The following VIL1 variants were observed in gnomAD, a reference collection of about 807,000 sequenced individuals.
VIL1 encodes the protein villin 1, also known as villin-1.
A neutral mutation model predicts 104.0 loss-of-function variants in VIL1; 86 were observed. That is an observed-to-expected ratio of 0.83 (90% confidence interval 0.69 to 0.99). VIL1 has a LOEUF of 0.99. VIL1 is among the 50% of genes least tolerant of loss of function. The pLI, the probability that VIL1 is intolerant of heterozygous loss-of-function variation, is 0.00. For synonymous variants in VIL1, 394 were observed against 412.6 expected (o/e 0.95, Z 0.55); for missense variants, 944 against 1,054.1 (o/e 0.90, Z 1.45).
chr2:218,437,157 G>C lies in VIL1; in HGVS notation c.2005G>C (p.Glu669Gln), dbSNP rs775256924. Residue 669 changes from glutamate to glutamine, a missense_variant, in exon 17 of 20, where the codon GAG (glutamate) becomes CAG (glutamine). Coordinates refer to ENST00000248444, the MANE Select transcript of VIL1 (RefSeq NM_007127.3). ...FFWIGKHANE[E>Q]EKKAAATTAQ... ...CTGGATTGGGAAACATGCCAACGAG[G>C]AGGAGAAGAAGGCCGCAGCAACCAC... The C allele has an allele frequency of 6.2e-7, 1 of 1,614,160 alleles. No homozygotes were observed. The highest frequency in any genetic ancestry group is 2.2e-5 in the East Asian group (1 of 44,882).
rs200481180 is a variant in VIL1 at position 218,429,563 on chromosome 2, C to A, written c.771-34C>A. The A allele has an allele frequency of 3.1e-6, 5 of 1,614,032 alleles. No homozygotes were observed. In the East Asian group the frequency reaches 1.1e-4, roughly 36 times the overall value. Reference sequence around the variant, plus strand: ...GTGCCCTGGCTGAGGGACTTGGGCCCCCTCCCCATCTATGCCTTGCTTCTG... The same window carrying A: ...GTGCCCTGGCTGAGGGACTTGGGCCACCTCCCCATCTATGCCTTGCTTCTG... On this transcript the variant is annotated intron_variant, in intron 7 of 19. Transcript: ENST00000248444.
rs757131429 is a variant in VIL1, at chr2:218,431,877, T to G, written c.1123T>G (p.Phe375Val). 26 of 1,613,766 alleles carry G rather than the reference T, an allele frequency of 1.6e-5. No homozygotes were observed. The highest frequency in any genetic ancestry group is 1.8e-5 in the Non-Finnish European group (21 of 1,179,922). Residue 375 changes from phenylalanine to valine, a missense_variant, in exon 11 of 20, where the codon TTC (phenylalanine) becomes GTC (valine). Physicochemically the swap from Phe to Val is conservative, Grantham distance 50. Transcript: ENST00000248444. ...GSVAKVEQVKFDATSMHVKPQ... is the reference protein window; with the variant it reads ...GSVAKVEQVKVDATSMHVKPQ... ...TCTAGCCAAAGTGGAACAGGTGAAG[T>G]TCGATGCCACATCCATGCATGTCAA... is the stretch of plus-strand genomic sequence containing the variant.
chr2:218,432,647 G>C, intron 12 of VIL1, 146 bp from the exon 13 acceptor site: 1 of 1,089,346 alleles, frequency 9.2e-7, no homozygotes. Context: ...TTGGGGTTTT[G>C]GCTGTTTCAC....
Position 218,424,239 on chromosome 2 carries a change from G to C in VIL1, c.76-38G>C, listed in dbSNP as rs753946866. On this transcript the variant is annotated intron_variant, in intron 2 of 19. Transcript: ENST00000248444. ...CCTCCCAGGCCTAGGGGTCCTGGTGGTCCAGGGCAGCCCCTCTGACCCTCT... is the reference window on the plus strand; with the variant it reads ...CCTCCCAGGCCTAGGGGTCCTGGTGCTCCAGGGCAGCCCCTCTGACCCTCT... 3 of 1,596,238 alleles carry C rather than the reference G, an allele frequency of 1.9e-6. No individual in the cohort carries two copies. The South Asian group carries it at 3.3e-5, about 18-fold the overall frequency.
chr2:218,427,671 C>T (rs1407252231), intron 4 of VIL1, among the ~76,000 whole-genome samples: 1 of 152,124 alleles, frequency 6.6e-6, no homozygotes, highest in Non-Finnish European at 1.5e-5. Context: ...CCTATCTTTG[C>T]AGGCCTCTCC....
At chr2:218,425,059 A>G (rs1374327996) in intron 3 of VIL1, among the ~76,000 whole-genome samples, 2 of 151,582 alleles carry the variant, frequency 1.3e-5, no homozygotes, top group African/African-American at 4.8e-5. Flanking sequence ...CTCATTTTAA[A>G]TTTTTATTTT....
rs149520300 is a variant in VIL1, at chr2:218,449,916, C to T, written c.*580C>T. On this transcript the variant is annotated 3_prime_UTR_variant, in exon 20 of 20. Transcript: ENST00000248444. ...ACTTCCACTGGGGCTAGGCTTGAGA[C>T]CTAAAGGCAAGTATGAAATGCATAT... is the stretch of plus-strand genomic sequence containing the variant. 6.5e-6 allele frequency: 1 copy of T among 153,056 alleles called. No homozygotes were observed. The highest frequency in any genetic ancestry group is 1.5e-5 in the Non-Finnish European group (1 of 68,610). 9.5% of individuals were successfully genotyped at this position (153,056 alleles called of 1,614,324 possible). A position where few individuals can be genotyped will look rare whatever the true frequency, so the allele number is the denominator to read the frequency against.
intron 2 of VIL1, 46 bp downstream of exon 2, chr2:218,423,899 G>A (rs1276086552): frequency 3.1e-6 from 5 of 1,606,802 alleles, no homozygotes; most frequent in Non-Finnish European, 4.3e-6. Flanking sequence ...CTGGGGTGGA[G>A]GGAGGCAAGG....
At chr2:218,436,132 A>C (rs6726798) in intron 15 of VIL1, among the ~76,000 whole-genome samples, 142,810 of 152,178 alleles carry the variant, frequency 0.94, 67,653 homozygotes, top group East Asian at 1. Flanking sequence ...GGCCACGGTG[A>C]CTGGCTCAAA....
At chr2:218,426,406 C>A (rs1390623741) in intron 4 of VIL1, among the ~76,000 whole-genome samples, 1 of 152,044 alleles carries the variant, frequency 6.6e-6, no homozygotes, top group Non-Finnish European at 1.5e-5. Flanking sequence ...AGGCACACAC[C>A]ACCAGGCCTG....
chr2:218,433,018 G>GA (rs1436017400), intron 13 of VIL1, 67 bp downstream of exon 13: 3 of 1,592,560 alleles, frequency 1.9e-6, no homozygotes, highest in Non-Finnish European at 2.6e-6. Flanking sequence ...GGGAGATGGA[G>GA]AAGGGGATGG....
In VIL1 at chr2:218,427,974, A is replaced by AG; in HGVS notation, c.362dup (p.Val122ArgfsTer14). On this transcript the variant is annotated frameshift_variant, in exon 5 of 20. Coordinates refer to ENST00000248444, the MANE Select transcript of VIL1 (RefSeq NM_007127.3). LOFTEE classifies it high-confidence loss of function. ...TCACCTCTCTTCTCAGGATCCGGAAAGGGGGCGTGGCTTCTGGCATGAAGC... is the reference window on the plus strand; with the variant it reads ...TCACCTCTCTTCTCAGGATCCGGAAAGGGGGGCGTGGCTTCTGGCATGAAGC... 1.2e-6 allele frequency: 2 copies of AG among 1,614,014 alleles called. No homozygotes were observed. Among genetic ancestry groups the AG allele is most frequent in the Non-Finnish European group, 1.7e-6 (2 of 1,179,984 alleles).
At position 218,432,929 on chromosome 2, in the gene VIL1, A is replaced by G; in HGVS notation, c.1478A>G (p.Lys493Arg). The G allele has an allele frequency of 6.2e-7, 1 of 1,614,224 alleles. No individual in the cohort carries two copies. The highest frequency in any genetic ancestry group is 8.5e-7 in the Non-Finnish European group (1 of 1,180,042). The change falls in exon 13 of 20, where the codon AAG (lysine) becomes AGG (arginine). Residue 493 changes from lysine to arginine, a missense_variant. Transcript: ENST00000248444. ...KEPPHLMSIF[K>R]GRMVVYQGGT... Reference sequence around the variant, plus strand: ...CCACCTCATCTTATGTCCATCTTCAAGGGACGCATGGTGGTCTACCAGGTG... The same window carrying G: ...CCACCTCATCTTATGTCCATCTTCAGGGGACGCATGGTGGTCTACCAGGTG...
At chr2:218,446,135 T>C (rs976680970) in intron 19 of VIL1, among the ~76,000 whole-genome samples, 6 of 152,338 alleles carry the variant, frequency 3.9e-5, no homozygotes, top group Non-Finnish European at 5.9e-5. Flanking sequence ...AGTTGTACCT[T>C]CTGCCGCTAC....
intron 19 of VIL1, among the ~76,000 whole-genome samples, chr2:218,444,310 T>C (rs1336462462): frequency 6.6e-6 from 1 of 151,686 alleles, no homozygotes; most frequent in Non-Finnish European, 1.5e-5. Context: ...GATGGAGTCT[T>C]GCTCTGTCGC....
At chr2:218,421,817 T>C (rs1200317100) in intron 1 of VIL1, among the ~76,000 whole-genome samples, 1 of 152,174 alleles carries the variant, frequency 6.6e-6, no homozygotes. Context: ...CTATTCCTCT[T>C]GCTGCCAGTT....
chr2:218,440,617 G>A lies in VIL1; in HGVS notation c.2230-105G>A, dbSNP rs554562622. ...GTGTGGCAGGGTGGGGTGGGACATGGGAGGCTTCTTGAAGGTGGTGCCCTA... is the reference window on the plus strand; with the variant it reads ...GTGTGGCAGGGTGGGGTGGGACATGAGAGGCTTCTTGAAGGTGGTGCCCTA... On this transcript the variant is annotated intron_variant, in intron 18 of 19. Coordinates refer to ENST00000248444, the MANE Select transcript of VIL1 (RefSeq NM_007127.3). The A allele has an allele frequency of 4.6e-5, 65 of 1,413,384 alleles. No individual in the cohort carries two copies. The African/African-American group carries it at 8.0e-4, about 17-fold the overall frequency. The allele number at this position is 1,413,384 out of a possible 1,614,324, so 87.6% of individuals were successfully genotyped here. A position where few individuals can be genotyped will look rare whatever the true frequency, so the allele number is the denominator to read the frequency against.
Position 218,440,687 on chromosome 2 carries a change from G to A in VIL1, c.2230-35G>A, listed in dbSNP as rs768763875. On this transcript the variant is annotated intron_variant, in intron 18 of 19. Coordinates refer to ENST00000248444, the MANE Select transcript of VIL1 (RefSeq NM_007127.3). ...CAGCCTGGGAGGTAGCTGTGCACCA[G>A]CTAAAGTAACCAGTGGTTTCCTTTT... 13 of 1,613,010 alleles carry A rather than the reference G, an allele frequency of 8.1e-6. No homozygotes were observed. In the South Asian group the frequency reaches 1.1e-4, roughly 14 times the overall value.
chr2:218,430,044 G>A, intron 9 of VIL1, 97 bp downstream of exon 9: 1 of 1,113,488 alleles, frequency 9.0e-7, no homozygotes, highest in African/African-American at 1.5e-5. Flanking sequence ...GCTCAGACCA[G>A]GGCATAGTGC....
Sources: allele counts gnomAD v4.1 joint callset (sites outside exome capture counted in the v4.1 genomes callset), GRCh38; gene constraint gnomAD v4.1.1; transcripts MANE v1.5; gene names NCBI Gene and HGNC (gene_info 2026-07-23, HGNC 2026-07-21).